The following GRIA1 variants were observed in gnomAD, a reference collection of about 807,000 sequenced individuals.
GRIA1 encodes glutamate ionotropic receptor AMPA type subunit 1.
GRIA1 carries 31 observed loss-of-function variants against 99.2 expected under a neutral mutation model. The ratio of observed to expected loss-of-function variants is 0.31; its 90% CI spans 0.23 to 0.42. The LOEUF (loss-of-function observed/expected upper bound fraction) is 0.42, where lower values mean the gene tolerates loss of function less well. GRIA1 is among the 10% of genes least tolerant of loss of function. GRIA1 has a pLI of 1.00. For synonymous variants in GRIA1, 438 were observed against 432.4 expected (o/e 1.01, Z -0.16); for missense variants, 782 against 1,157.5 (o/e 0.68, Z 4.71).
chr5:153,580,547 C>G (rs1762956746), intron 2 of GRIA1, among the ~76,000 whole-genome samples: 1 of 152,184 alleles, frequency 6.6e-6, no homozygotes, highest in African/African-American at 2.4e-5. Context: ...CTAAGCTTCT[C>G]TCTTGGTGAA....
chr5:153,559,589 A>C (rs1456030005), intron 2 of GRIA1, among the ~76,000 whole-genome samples: 1 of 152,202 alleles, frequency 6.6e-6, no homozygotes, highest in African/African-American at 2.4e-5. Context: ...ACTGTACATG[A>C]CTGTATGTGC....
intron 11 of GRIA1, among the ~76,000 whole-genome samples, chr5:153,751,382 T>A (rs1762503211): frequency 1.3e-5 from 2 of 152,238 alleles, no homozygotes; most frequent in South Asian, 4.1e-4. Context: ...TTAGCTTAGA[T>A]CAAAGGTCTC....
At chr5:153,579,893 AAAC>A (rs1465891507) in intron 2 of GRIA1, among the ~76,000 whole-genome samples, 5 of 141,680 alleles carry the variant, frequency 3.5e-5, no homozygotes, top group African/African-American at 1.1e-4. Flanking sequence ...ACAAACAAAC[AAAC>A]AAAAAAAAAA....
At chr5:153,671,976 A>G (rs1230422323) in intron 5 of GRIA1, among the ~76,000 whole-genome samples, 2 of 152,318 alleles carry the variant, frequency 1.3e-5, no homozygotes, top group African/African-American at 4.8e-5. Flanking sequence ...GGGTAACTCT[A>G]CTATGTTCTT....
At chr5:153,530,305 T>C (rs988059864) in intron 2 of GRIA1, among the ~76,000 whole-genome samples, 24 of 152,212 alleles carry the variant, frequency 1.6e-4, no homozygotes, top group Admixed American at 1.0e-3. Context: ...CTGTAGATGT[T>C]AAAATTACTT....
At chr5:153,610,875 A>G (rs1765921551) in intron 2 of GRIA1, among the ~76,000 whole-genome samples, 2 of 152,236 alleles carry the variant, frequency 1.3e-5, no homozygotes, top group African/African-American at 4.8e-5. Context: ...TTGTATAGTA[A>G]TGCTCAACAC....
chr5:153,582,616 T>C (rs902603650), intron 2 of GRIA1, among the ~76,000 whole-genome samples: 8 of 152,128 alleles, frequency 5.3e-5, no homozygotes, highest in African/African-American at 7.2e-5. Context: ...CCAGAGCATA[T>C]CTTTCTTAAA....
chr5:153,654,760 T>C (rs1434637161), intron 4 of GRIA1, among the ~76,000 whole-genome samples: 1 of 152,098 alleles, frequency 6.6e-6, no homozygotes, highest in Admixed American at 6.6e-5. Context: ...CTGTTATATG[T>C]CTCCTTGCAA....
chr5:153,652,917 G>A (rs1294997292), intron 4 of GRIA1, among the ~76,000 whole-genome samples: 1 of 152,072 alleles, frequency 6.6e-6, no homozygotes, highest in Non-Finnish European at 1.5e-5. Context: ...CAGTAACTGG[G>A]AACGTACCTG....
chr5:153,703,436 A>G (rs1758669496), intron 10 of GRIA1, among the ~76,000 whole-genome samples: 1 of 152,202 alleles, frequency 6.6e-6, no homozygotes, highest in Non-Finnish European at 1.5e-5. Context: ...CTACAAAATG[A>G]ACTAAGCTTT....
At chr5:153,705,662 ATTTTTT>A (rs70978505) in intron 10 of GRIA1, 29 bp from the exon 11 acceptor site, 421 of 752,032 alleles carry the variant, frequency 5.6e-4, no homozygotes, top group African/African-American at 1.1e-3. Flanking sequence ...GCTCACCTGC[ATTTTTT>A]TTTTTTTTTT....
At chr5:153,670,205 G>T (rs938079856) in intron 5 of GRIA1, among the ~76,000 whole-genome samples, 1 of 152,178 alleles carries the variant, frequency 6.6e-6, no homozygotes, top group African/African-American at 2.4e-5. Context: ...ATGGGGCAAT[G>T]TGAAATGCTA....
chr5:153,738,021 G>T (rs1421395120), intron 11 of GRIA1, among the ~76,000 whole-genome samples: 1 of 152,208 alleles, frequency 6.6e-6, no homozygotes, highest in Non-Finnish European at 1.5e-5. Context: ...CCACCAGGGT[G>T]CTAAACTGGG....
At chr5:153,612,675 T>G (rs1017376100) in intron 2 of GRIA1, among the ~76,000 whole-genome samples, 2 of 152,256 alleles carry the variant, frequency 1.3e-5, no homozygotes, top group Admixed American at 6.5e-5. Context: ...GGATATTTCC[T>G]TATCAGAAAA....
intron 2 of GRIA1, among the ~76,000 whole-genome samples, chr5:153,617,829 A>G (rs552720981): frequency 1.3e-5 from 2 of 152,180 alleles, no homozygotes; most frequent in African/African-American, 4.8e-5. Context: ...GATACACTAC[A>G]TGCTCCTGCC....
intron 2 of GRIA1, among the ~76,000 whole-genome samples, chr5:153,598,031 T>A (rs987186195): frequency 2.6e-5 from 4 of 151,992 alleles, no homozygotes; most frequent in Non-Finnish European, 5.9e-5. Flanking sequence ...AAGATCACAG[T>A]TTAGAAGCAG....
rs375085713 is a variant in GRIA1, at chr5:153,518,702, A to AT, written c.220+24645dup. Among the ~76,000 whole-genome samples, 471 of 152,228 alleles carry AT rather than the reference A, an allele frequency of 3.1e-3. 4 individuals are homozygous for AT. Among genetic ancestry groups the AT allele is most frequent in the Admixed American group, 7.0e-3 (107 of 15,292 alleles). On this transcript the variant is annotated intron_variant, in intron 2 of 15. Transcript: ENST00000285900. ...AGCACTGTACAAATATTATGCAAGT[A>AT]TTTTTTTTCATATAATTGCCACAAT... is the stretch of plus-strand genomic sequence containing the variant.
intron 11 of GRIA1, among the ~76,000 whole-genome samples, chr5:153,731,038 C>T (rs867806156): frequency 1.3e-5 from 2 of 152,074 alleles, no homozygotes; most frequent in Non-Finnish European, 2.9e-5. Context: ...TCTAGGCCCT[C>T]TTCCTGAAAC....
At chr5:153,795,326 T>C (rs1022342495) in intron 14 of GRIA1, 6 of 550,168 alleles carry the variant, frequency 1.1e-5, no homozygotes, top group Non-Finnish European at 1.7e-5. Flanking sequence ...AGTGACATGG[T>C]GGGGCGGGGC....
Sources: gnomAD v4.1 joint callset for allele counts (sites outside exome capture counted in the v4.1 genomes callset) on GRCh38, gnomAD v4.1.1 for gene constraint, MANE v1.5 for transcripts, NCBI Gene and HGNC (gene_info 2026-07-23, HGNC 2026-07-21) for gene names.